The following EPHA6 variants were observed in gnomAD, a reference collection of about 807,000 sequenced individuals.
EPHA6 encodes the protein ephrin type-A receptor 6.
In EPHA6, 50 loss-of-function variants were observed where a neutral mutation model predicts 112.0. That is an observed-to-expected ratio of 0.45 (90% CI 0.36 to 0.56). The LOEUF (loss-of-function observed/expected upper bound fraction) is 0.56, where lower values mean the gene tolerates loss of function less well. EPHA6 is among the 20% of genes least tolerant of loss of function. The pLI, the probability that EPHA6 is intolerant of heterozygous loss-of-function variation, is 0.00. For missense variants in EPHA6, 1,280 were observed against 1,417.4 expected (o/e 0.90, Z 1.56); for synonymous variants, 529 against 490.7 (o/e 1.08, Z -1.03).
At chr3:97,442,649 AACAAAT>A (rs1214528124) in intron 6 of EPHA6, among the ~76,000 whole-genome samples, 1 of 152,170 alleles carries the variant, frequency 6.6e-6, no homozygotes, top group Admixed American at 6.5e-5. Flanking sequence ...CCTTTCCAAG[AACAAAT>A]ATATTTATGT....
chr3:97,117,590 G>A (rs1303269174), intron 3 of EPHA6, among the ~76,000 whole-genome samples: 1 of 151,662 alleles, frequency 6.6e-6, no homozygotes, highest in East Asian at 1.9e-4. Context: ...TCCTCATTGT[G>A]TGTTCTTGGC....
chr3:96,922,947 A>G (rs1257158303), intron 2 of EPHA6, among the ~76,000 whole-genome samples: 1 of 152,162 alleles, frequency 6.6e-6, no homozygotes, highest in Non-Finnish European at 1.5e-5. Flanking sequence ...AATTCCATTC[A>G]TGTCTTTGCA....
intron 3 of EPHA6, among the ~76,000 whole-genome samples, chr3:97,047,499 C>CAAAAAAA (rs556388538): frequency 2.4e-4 from 11 of 46,388 alleles, no homozygotes; most frequent in East Asian, 1.3e-3. Context: ...GACTCTGTCT[C>CAAAAAAA]AAAAAAAAAA....
intron 3 of EPHA6, among the ~76,000 whole-genome samples, chr3:97,158,579 T>A (rs2076341337): frequency 6.6e-6 from 1 of 152,132 alleles, no homozygotes; most frequent in Admixed American, 6.6e-5. Flanking sequence ...AGGCTCCAAA[T>A]TTAAACGGGA....
At chr3:97,568,407 A>G (rs112272505) in intron 11 of EPHA6, among the ~76,000 whole-genome samples, 200 of 152,274 alleles carry the variant, frequency 1.3e-3, no homozygotes, top group Non-Finnish European at 2.5e-3. Flanking sequence ...AAGGTTCCCC[A>G]CAGATTGATG....
intron 2 of EPHA6, among the ~76,000 whole-genome samples, chr3:96,880,703 A>G (rs1356328678): frequency 1.3e-5 from 2 of 151,560 alleles, no homozygotes; most frequent in Non-Finnish European, 2.9e-5. Context: ...CCCCCACCTC[A>G]CGCGCTGGCA....
At chr3:97,730,320 T>C (rs184839900) in intron 15 of EPHA6, among the ~76,000 whole-genome samples, 2 of 152,214 alleles carry the variant, frequency 1.3e-5, no homozygotes, top group East Asian at 1.9e-4. Context: ...AAAATTGTGA[T>C]GTCAATGTCA....
At chr3:97,158,968 G>A (rs1349620014) in intron 3 of EPHA6, among the ~76,000 whole-genome samples, 1 of 152,112 alleles carries the variant, frequency 6.6e-6, no homozygotes, top group African/African-American at 2.4e-5. Flanking sequence ...GGGGAGGCAG[G>A]TTTGTGTGAC....
At chr3:96,858,786 A>G (rs963122947) in intron 1 of EPHA6, among the ~76,000 whole-genome samples, 12 of 152,184 alleles carry the variant, frequency 7.9e-5, no homozygotes, top group East Asian at 3.9e-4. Context: ...GAGCAGTCTG[A>G]GGGCAGTCAG....
chr3:97,510,885 C>A (rs545956086), intron 10 of EPHA6, among the ~76,000 whole-genome samples: 1 of 152,312 alleles, frequency 6.6e-6, no homozygotes, highest in South Asian at 2.1e-4. Flanking sequence ...AGATGCCCTG[C>A]CCAGAGAAGA....
intron 5 of EPHA6, among the ~76,000 whole-genome samples, chr3:97,270,914 G>C (rs1040948677): frequency 6.7e-6 from 1 of 150,308 alleles, no homozygotes; most frequent in Non-Finnish European, 1.5e-5. Flanking sequence ...CAGTCATAAA[G>C]TAGTCTGTGG....
At chr3:97,502,001 GAGACA>G (rs1485431642) in intron 10 of EPHA6, among the ~76,000 whole-genome samples, 3 of 151,828 alleles carry the variant, frequency 2.0e-5, no homozygotes, top group Admixed American at 2.0e-4. Context: ...GCCTTCCATG[GAGACA>G]AGACAAGATG....
intron 5 of EPHA6, among the ~76,000 whole-genome samples, chr3:97,265,656 T>C (rs1033658961): frequency 2.0e-5 from 3 of 152,270 alleles, no homozygotes; most frequent in Non-Finnish European, 2.9e-5. Flanking sequence ...GTCCTCTGCC[T>C]GGGAGGGTGG....
chr3:97,536,871 G>T lies in EPHA6; in HGVS notation c.2386+4328G>T, dbSNP rs79393721. On this transcript the variant is annotated intron_variant, in intron 11 of 17. Transcript: ENST00000389672. ...TTTTCACCACCACACACAAAAAAACGAAAAGTGTAAGTAAATTAGACTAGA... is the reference window on the plus strand; with the variant it reads ...TTTTCACCACCACACACAAAAAAACTAAAAGTGTAAGTAAATTAGACTAGA... Among the ~76,000 whole-genome samples the T allele has an allele frequency of 1.6e-4, 24 of 152,150 alleles. No homozygotes were observed. In the East Asian group the frequency reaches 4.1e-3, roughly 26 times the overall value.
chr3:97,198,425 T>G (rs1389281754), intron 3 of EPHA6, among the ~76,000 whole-genome samples: 1 of 152,122 alleles, frequency 6.6e-6, no homozygotes, highest in Non-Finnish European at 1.5e-5. Context: ...TGCTTCCAAT[T>G]CTGACTTCCT....
chr3:96,913,319 A>G (rs757115685), intron 2 of EPHA6, among the ~76,000 whole-genome samples: 1 of 151,714 alleles, frequency 6.6e-6, no homozygotes, highest in Non-Finnish European at 1.5e-5. Context: ...GCAGCGAACT[A>G]TGATTGTGCC....
intron 3 of EPHA6, among the ~76,000 whole-genome samples, chr3:97,066,486 G>A (rs1212478253): frequency 1.3e-5 from 2 of 152,066 alleles, no homozygotes; most frequent in African/African-American, 4.8e-5. Flanking sequence ...TAAGGTTTTA[G>A]GAAAACTAGA....
intron 13 of EPHA6, among the ~76,000 whole-genome samples, chr3:97,611,630 T>A (rs1296512869): frequency 6.6e-6 from 1 of 151,796 alleles, no homozygotes; most frequent in Non-Finnish European, 1.5e-5. Flanking sequence ...CCAGCAAAGG[T>A]CATATATTTG....
At chr3:97,556,988 T>C (rs1391402303) in intron 11 of EPHA6, among the ~76,000 whole-genome samples, 1 of 152,076 alleles carries the variant, frequency 6.6e-6, no homozygotes, top group African/African-American at 2.4e-5. Context: ...TATTTTTGTG[T>C]CTGCCCTCTA....
Sources: allele counts gnomAD v4.1 joint callset (sites outside exome capture counted in the v4.1 genomes callset), GRCh38; gene constraint gnomAD v4.1.1; transcripts MANE v1.5; gene names NCBI Gene and HGNC (gene_info 2026-07-23, HGNC 2026-07-21).